SLC26A8: variants seen among roughly 807,000 people sequenced by gnomAD.
The protein encoded by SLC26A8 is solute carrier family 26 member 8.
In SLC26A8, 70 loss-of-function variants were observed where a neutral mutation model predicts 105.0. The observed-to-expected ratio is 0.67, with a 90% confidence interval of 0.55 to 0.81. The LOEUF is 0.81. SLC26A8 is among the 40% of genes least tolerant of loss of function. The pLI is 0.00. For missense variants in SLC26A8, 998 were observed against 1,181.8 expected, an observed-to-expected ratio of 0.84 and a Z score of 2.28; for synonymous variants, 415 against 438.3, an observed-to-expected ratio of 0.95 and a Z score of 0.66.
chr6:35,973,402 G>A (rs866397449), intron 10 of SLC26A8, among the ~76,000 whole-genome samples: 1 of 152,112 alleles, frequency 6.6e-6, no homozygotes, highest in South Asian at 2.1e-4. Context: ...ACAAAACTTG[G>A]TCCACATAAA....
intron 19 of SLC26A8, among the ~76,000 whole-genome samples, 170 bp from the exon 20 acceptor site, chr6:35,944,510 AATAATAATAATAATTATAATTATTAT>A (rs1313379206): frequency 9.6e-5 from 9 of 93,654 alleles, no homozygotes; most frequent in South Asian, 3.5e-4. Flanking sequence ...TATCTTAACA[AATAATAATAATAATTATAATTATTAT>A]ATAATAATAA....
At chr6:36,015,190 CT>C (rs1455088160) in intron 2 of SLC26A8, among the ~76,000 whole-genome samples, 16 of 151,656 alleles carry the variant, frequency 1.1e-4, no homozygotes, top group African/African-American at 3.6e-4. Flanking sequence ...TCACTGCAAC[CT>C]TTGCATTCCG....
chr6:36,018,728 C>T (rs1231972029), intron 2 of SLC26A8, among the ~76,000 whole-genome samples: 1 of 152,138 alleles, frequency 6.6e-6, no homozygotes, highest in Non-Finnish European at 1.5e-5. Context: ...TTAACTTTAT[C>T]AGACTGCTAG....
chr6:35,996,208 A>T (rs1761346182), intron 5 of SLC26A8, among the ~76,000 whole-genome samples: 1 of 152,166 alleles, frequency 6.6e-6, no homozygotes, highest in African/African-American at 2.4e-5. Context: ...GAGTCTGCCC[A>T]CTTTGATAGC....
rs370511832 is a variant in SLC26A8, at chr6:35,959,597, A to G, written c.1732-6T>C. The stretch of plus-strand genomic sequence containing the variant: ...GGCACCTTTACCATATCAACCTGAA[A>G]GACATGAGAGGTCTCATCCAGAGGA... On this transcript the variant is annotated splice_region_variant and splice_polypyrimidine_tract_variant and intron_variant, in intron 15 of 19. Coordinates refer to ENST00000490799, the MANE Select transcript of SLC26A8 (RefSeq NM_052961.4). 25 of 1,611,772 alleles carry G rather than the reference A, an allele frequency of 1.6e-5. No homozygotes were observed. The highest frequency in any genetic ancestry group is 2.1e-5 in the Non-Finnish European group (25 of 1,179,488).
Position 35,955,462 on chromosome 6 carries a change from AG to A in SLC26A8, c.1921del (p.Leu641Ter). The A allele has an allele frequency of 6.2e-7, 1 of 1,614,164 alleles. No individual in the cohort carries two copies. Among genetic ancestry groups the A allele is most frequent in the South Asian group, 1.1e-5 (1 of 91,084 alleles). The stretch of plus-strand genomic sequence containing the variant: ...GCTCTCAAAATGTGAGCAGTGAATC[AG>A]GTTAATGGAGGATGCTTCGGGATCC... ...KLDPEASSINLIHCSHFESMN... is the reference protein window; with the variant it reads ...KLDPEASSINXIHCSHFESMN... On this transcript the variant is annotated frameshift_variant, in exon 17 of 20. Coordinates refer to ENST00000490799, the MANE Select transcript of SLC26A8 (RefSeq NM_052961.4). LOFTEE classifies it high-confidence loss of function.
chr6:35,976,598 T>C (rs1773043187), intron 9 of SLC26A8, among the ~76,000 whole-genome samples: 1 of 145,570 alleles, frequency 6.9e-6, no homozygotes, highest in African/African-American at 2.6e-5. Flanking sequence ...TGGAGTGCAG[T>C]GGCGCGGTCT....
chr6:35,962,487 T>C (rs1274422285), intron 12 of SLC26A8, 39 bp downstream of exon 12: 1 of 1,537,614 alleles, frequency 6.5e-7, no homozygotes. Context: ...CCAACCTCCC[T>C]CTGCCCTCCC....
chr6:35,970,135 C>T (rs962261713), intron 10 of SLC26A8, among the ~76,000 whole-genome samples: 4 of 152,084 alleles, frequency 2.6e-5, no homozygotes, highest in Non-Finnish European at 2.9e-5. Flanking sequence ...CAAATCAGAA[C>T]AATGGCACAG....
intron 19 of SLC26A8, among the ~76,000 whole-genome samples, chr6:35,946,488 C>G (rs1771680774): frequency 6.6e-6 from 1 of 152,098 alleles, no homozygotes; most frequent in African/African-American, 2.4e-5. Flanking sequence ...CCACCTGCCT[C>G]ACCTCCCAAA....
intron 3 of SLC26A8, among the ~76,000 whole-genome samples, chr6:36,007,997 G>A (rs1761740532): frequency 6.6e-6 from 1 of 152,046 alleles, no homozygotes; most frequent in South Asian, 2.1e-4. Flanking sequence ...GCAGGCGCCT[G>A]TAGTCCCAGC....
intron 2 of SLC26A8, among the ~76,000 whole-genome samples, chr6:36,019,038 T>G (rs1562077953): frequency 6.6e-6 from 1 of 152,220 alleles, no homozygotes; most frequent in Admixed American, 6.5e-5. Context: ...GCAATTCTCA[T>G]GCCTCAGCCT....
intron 2 of SLC26A8, among the ~76,000 whole-genome samples, chr6:36,015,321 C>G (rs1761966652): frequency 6.6e-6 from 1 of 152,134 alleles, no homozygotes; most frequent in South Asian, 2.1e-4. Context: ...CCATGTTGGC[C>G]AGGCTGGTCT....
chr6:35,944,072 G>A lies in SLC26A8; in HGVS notation c.2741C>T (p.Pro914Leu). 6.2e-7 allele frequency: 1 copy of A among 1,614,038 alleles called. No individual in the cohort carries two copies. Reference sequence around the variant, plus strand: ...AGTGTGAGCTCTTGGCCTAGATTTGGGGTTGGGCTCCATCTCAGGCTCAGT... The same window carrying A: ...AGTGTGAGCTCTTGGCCTAGATTTGAGGTTGGGCTCCATCTCAGGCTCAGT... ...PETEPEMEPNPKSRPRAHTFP... is the reference protein window; with the variant it reads ...PETEPEMEPNLKSRPRAHTFP... The change falls in exon 20 of 20, where the codon CCC becomes CTC. Residue 914 changes from proline (P) to leucine (L), a missense_variant. Pro to Leu is a moderately conservative substitution (Grantham distance 98). Coordinates refer to ENST00000490799, the MANE Select transcript of SLC26A8 (RefSeq NM_052961.4).
intron 1 of SLC26A8, among the ~76,000 whole-genome samples, chr6:36,022,577 G>A (rs752380364): frequency 6.6e-6 from 1 of 152,066 alleles, no homozygotes; most frequent in Non-Finnish European, 1.5e-5. Context: ...ACAGCCAATT[G>A]GAGACCATTA....
At chr6:36,022,396 A>T (rs1463105564) in intron 1 of SLC26A8, among the ~76,000 whole-genome samples, 1 of 152,240 alleles carries the variant, frequency 6.6e-6, no homozygotes, top group Non-Finnish European at 1.5e-5. Flanking sequence ...TGGCTATTTA[A>T]ACTTAAAATA....
At chr6:35,984,097 C>T (rs1562045224) in intron 7 of SLC26A8, among the ~76,000 whole-genome samples, 1 of 152,118 alleles carries the variant, frequency 6.6e-6, no homozygotes, top group African/African-American at 2.4e-5. Flanking sequence ...CTTGACATGA[C>T]ATGTGTATAG....
intron 16 of SLC26A8, among the ~76,000 whole-genome samples, chr6:35,957,550 C>A (rs1330970940): frequency 1.3e-5 from 2 of 150,806 alleles, no homozygotes; most frequent in African/African-American, 4.9e-5. Flanking sequence ...CCAGGGTTGG[C>A]TCAGTGGCAG....
At position 35,946,079 on chromosome 6, in the gene SLC26A8, G is replaced by A. The variant is rs544520732; in HGVS notation, c.2473-1739C>T. On this transcript the variant is annotated intron_variant, in intron 19 of 19. Transcript: ENST00000490799. ...CTTGTCTATCTATGCTCTCTCCATA[G>A]GGACTTTTATTTTGGGCCCATAATT... 1.0e-3 allele frequency among the ~76,000 whole-genome samples: 152 copies of A among 152,190 alleles called. 1 individual carries two copies. Among genetic ancestry groups the A allele is most frequent in the Non-Finnish European group, 1.4e-3 (92 of 68,008 alleles).
Sources: gnomAD v4.1 joint callset for allele counts (sites outside exome capture counted in the v4.1 genomes callset) on GRCh38, gnomAD v4.1.1 for gene constraint, MANE v1.5 for transcripts, NCBI Gene and HGNC (gene_info 2026-07-23, HGNC 2026-07-21) for gene names.